Variants in ABCA12 observed in about 807,000 individuals in gnomAD.
ABCA12 encodes glucosylceramide transporter ABCA12.
In ABCA12, 156 loss-of-function variants were observed where a neutral mutation model predicts 293.5. That is an observed-to-expected ratio of 0.53 (90% CI 0.47 to 0.61). The LOEUF is 0.61. ABCA12 is among the 20% of genes least tolerant of loss of function. The pLI is 0.00. For synonymous variants in ABCA12, 1,063 were observed against 1,108.0 expected, an observed-to-expected ratio of 0.96 and a Z score of 0.81; for missense variants, 2,797 against 3,090.2, an observed-to-expected ratio of 0.91 and a Z score of 2.25.
At chr2:214,976,117 T>C in intron 33 of ABCA12, 80 bp from the exon 34 acceptor site, 1 of 1,549,460 alleles carries the variant, frequency 6.5e-7, no homozygotes. Flanking sequence ...TATATATAAA[T>C]GGTATAATAC....
intron 2 of ABCA12, among the ~76,000 whole-genome samples, chr2:215,102,431 T>A: frequency 6.6e-6 from 1 of 152,060 alleles, no homozygotes. Context: ...AAACCCTGTC[T>A]CTACTAAAAA....
intron 1 of ABCA12, among the ~76,000 whole-genome samples, chr2:215,134,604 TATATATATATATAG>T (rs1230762224): frequency 2.4e-5 from 2 of 83,572 alleles, no homozygotes; most frequent in Non-Finnish European, 4.4e-5. Flanking sequence ...TCTCTCTATA[TATATATATATATAG>T]AGAGAGAGAG....
At chr2:214,993,677 G>A (rs1319073079) in intron 23 of ABCA12, among the ~76,000 whole-genome samples, 1 of 152,176 alleles carries the variant, frequency 6.6e-6, no homozygotes, top group Non-Finnish European at 1.5e-5. Flanking sequence ...CAGTGGTAAT[G>A]TATGTAAGTA....
Position 214,954,054 on chromosome 2 carries a change from T to A in ABCA12, c.6447A>T (p.Gln2149His), listed in dbSNP as rs147074166. 2 of 1,613,888 alleles carry A rather than the reference T, an allele frequency of 1.2e-6. No individual in the cohort carries two copies. Among genetic ancestry groups the A allele is most frequent in the Non-Finnish European group, 1.7e-6 (2 of 1,179,984 alleles). Residue 2149 changes from glutamine to histidine, a missense_variant, in exon 44 of 53, where the codon CAA (glutamine) becomes CAT (histidine). Physicochemically the swap from Gln to His is conservative, Grantham distance 24. This residue lies in a region of ABCA12 where 2,130 missense variants were observed against 2,427.0 expected (regional missense o/e 0.88). Transcript: ENST00000272895. ...TLKRIFLIFP[Q>H]FCFGYGLIEL... Reference sequence around the variant, plus strand: ...CAATCAAACCGTAGCCAAAACAGAATTGTGGGAAAATCAGGAAAATGCGCT... The same window carrying A: ...CAATCAAACCGTAGCCAAAACAGAAATGTGGGAAAATCAGGAAAATGCGCT...
chr2:215,006,698 T>C (rs949563261), intron 19 of ABCA12, among the ~76,000 whole-genome samples: 1 of 152,024 alleles, frequency 6.6e-6, no homozygotes, highest in Non-Finnish European at 1.5e-5. Flanking sequence ...GGACCTCTCT[T>C]TGATATGCAA....
chr2:214,971,467 G>C (rs1382694287), intron 36 of ABCA12, among the ~76,000 whole-genome samples: 1 of 152,036 alleles, frequency 6.6e-6, no homozygotes, highest in Non-Finnish European at 1.5e-5. Flanking sequence ...ACAAGATACA[G>C]AACAGGACCC....
chr2:214,984,695 G>A (rs1699749301), intron 28 of ABCA12, among the ~76,000 whole-genome samples: 1 of 152,038 alleles, frequency 6.6e-6, no homozygotes, highest in Non-Finnish European at 1.5e-5. Context: ...TACACTGGTT[G>A]CACGAGACTG....
chr2:214,945,263 A>G (rs954485142), intron 48 of ABCA12, among the ~76,000 whole-genome samples, 159 bp from the exon 49 acceptor site: 5 of 152,168 alleles, frequency 3.3e-5, no homozygotes, highest in African/African-American at 1.2e-4. Flanking sequence ...TGCTGCTGTC[A>G]AAAAGTTCAA....
intron 1 of ABCA12, among the ~76,000 whole-genome samples, chr2:215,131,368 CT>C (rs1382573950): frequency 6.6e-6 from 1 of 151,374 alleles, no homozygotes; most frequent in African/African-American, 2.4e-5. Context: ...TTGTCCTGGG[CT>C]TTTTTTATCG....
At chr2:215,046,132 C>A (rs1404472685) in intron 6 of ABCA12, 117 bp from the exon 7 acceptor site, 1 of 1,012,810 alleles carries the variant, frequency 9.9e-7, no homozygotes, top group South Asian at 1.5e-5. Context: ...TTCTTTTAGA[C>A]CTTCACTCAG....
At chr2:215,064,569 T>C (rs1056951452) in intron 2 of ABCA12, among the ~76,000 whole-genome samples, 2 of 152,006 alleles carry the variant, frequency 1.3e-5, no homozygotes, top group Non-Finnish European at 2.9e-5. Context: ...ATCCACATGA[T>C]AAAACACAAA....
intron 2 of ABCA12, among the ~76,000 whole-genome samples, chr2:215,096,736 C>T (rs1702256925): frequency 2.0e-5 from 3 of 152,100 alleles, no homozygotes; most frequent in Admixed American, 2.0e-4. Context: ...CCAGCCTTTC[C>T]TTGCCCTGAT....
At chr2:214,981,029 G>A (rs1305827036) in intron 30 of ABCA12, among the ~76,000 whole-genome samples, 1 of 150,584 alleles carries the variant, frequency 6.6e-6, no homozygotes, top group African/African-American at 2.4e-5. Flanking sequence ...AGGGTGTAGT[G>A]AGCCAAGATT....
rs1007582414 is a variant in ABCA12 at position 214,944,939 on chromosome 2, C to T, written c.7343+62G>A. On this transcript the variant is annotated intron_variant, in intron 49 of 52. Coordinates refer to ENST00000272895, the MANE Select transcript of ABCA12 (RefSeq NM_173076.3). ...TATTTATTTATGTTATACAGGATTA[C>T]CTTTTCCCACCTGTCATCCTAAGAC... The T allele has an allele frequency of 3.0e-6, 4 of 1,346,094 alleles. No homozygotes were observed. In the African/African-American group the frequency reaches 4.3e-5, roughly 15 times the overall value. The allele number at this position is 1,346,094 out of a possible 1,614,324, so 83.4% of individuals were successfully genotyped here. A position where few individuals can be genotyped will look rare whatever the true frequency, so the allele number is the denominator to read the frequency against.
At chr2:215,042,829 T>G (rs1701126387) in intron 7 of ABCA12, among the ~76,000 whole-genome samples, 1 of 152,202 alleles carries the variant, frequency 6.6e-6, no homozygotes, top group African/African-American at 2.4e-5. Context: ...TTTCTACCCC[T>G]TGATCAACCT....
intron 1 of ABCA12, 78 bp downstream of exon 1, chr2:215,138,062 T>C: frequency 7.1e-7 from 1 of 1,401,804 alleles, no homozygotes; most frequent in Admixed American, 1.7e-5. Context: ...CTGTTTTCAC[T>C]TCTCATTAAG....
chr2:215,037,821 C>T (rs1244355010), intron 7 of ABCA12, among the ~76,000 whole-genome samples: 7 of 152,142 alleles, frequency 4.6e-5, no homozygotes, highest in Admixed American at 2.6e-4. Context: ...ATTGTTATTG[C>T]ACATGCATTT....
chr2:215,136,583 G>T (rs1279257065), intron 1 of ABCA12, among the ~76,000 whole-genome samples: 1 of 151,884 alleles, frequency 6.6e-6, no homozygotes, highest in East Asian at 1.9e-4. Context: ...TTTAGCTATT[G>T]AATTTTTATC....
At chr2:214,933,618 C>T (rs1409564838) in intron 52 of ABCA12, among the ~76,000 whole-genome samples, 2 of 107,226 alleles carry the variant, frequency 1.9e-5, no homozygotes, top group Admixed American at 8.9e-5. Context: ...AGATGATGTA[C>T]GTTGAACGGA....
Sources: allele counts gnomAD v4.1 joint callset (sites outside exome capture counted in the v4.1 genomes callset), GRCh38; gene constraint gnomAD v4.1.1; regional missense constraint gnomAD v4.1.1; transcripts MANE v1.5; gene names NCBI Gene and HGNC (gene_info 2026-07-23, HGNC 2026-07-21).